The following TBC1D32 variants were observed in gnomAD, a reference collection of about 807,000 sequenced individuals.
TBC1D32 encodes TBC1 domain family member 32.
A neutral mutation model predicts 170.3 loss-of-function variants in TBC1D32; 151 were observed. The observed-to-expected ratio is 0.89, with a 90% CI of 0.78 to 1.01. The LOEUF (loss-of-function observed/expected upper bound fraction) is 1.01, where lower values mean the gene tolerates loss of function less well. Among genes scored for constraint, TBC1D32 ranks in the 50% least tolerant of loss-of-function variants. TBC1D32 has a pLI of 0.00. For synonymous variants in TBC1D32, 498 were observed against 488.0 expected (o/e 1.02, Z -0.27); for missense variants, 1,464 against 1,457.1 (o/e 1.00, Z -0.08).
At chr6:121,190,078 ACACACACACACACAC>A (rs1789757085) in intron 22 of TBC1D32, among the ~76,000 whole-genome samples, 3 of 28,172 alleles carry the variant, frequency 1.1e-4, no homozygotes, top group East Asian at 3.7e-3. Context: ...ATACAGACAC[ACACACACACACACAC>A]ACACACACAC....
intron 1 of TBC1D32, among the ~76,000 whole-genome samples, chr6:121,328,252 T>C (rs1810705025): frequency 6.6e-6 from 1 of 151,242 alleles, no homozygotes; most frequent in Non-Finnish European, 1.5e-5. Flanking sequence ...TAAATTTTTC[T>C]AACTGGTTTT....
chr6:121,301,775 A>G lies in TBC1D32; in HGVS notation c.1080+1842T>C, dbSNP rs988647251. 5.9e-5 allele frequency among the ~76,000 whole-genome samples: 9 copies of G among 152,024 alleles called. No individual in the cohort carries two copies. The East Asian group carries it at 1.7e-3, about 29-fold the overall frequency. On this transcript the variant is annotated intron_variant, in intron 9 of 31. Transcript: ENST00000398212. Reference sequence around the variant, plus strand: ...ATTCTAGGGAATAGAGGATTTTTGTATTGTTTTTCTTTTTTTTCCTTTTTT... The same window carrying G: ...ATTCTAGGGAATAGAGGATTTTTGTGTTGTTTTTCTTTTTTTTCCTTTTTT...
chr6:121,238,180 T>A (rs899225429), intron 20 of TBC1D32, among the ~76,000 whole-genome samples: 6 of 152,078 alleles, frequency 3.9e-5, no homozygotes, highest in Non-Finnish European at 8.8e-5. Context: ...TGCTGTGTAG[T>A]CCTAAGCTTT....
At chr6:121,208,453 G>C (rs1451218384) in intron 21 of TBC1D32, among the ~76,000 whole-genome samples, 1 of 151,876 alleles carries the variant, frequency 6.6e-6, no homozygotes, top group Non-Finnish European at 1.5e-5. Flanking sequence ...GCTATCATGA[G>C]AACAGCATGG....
At chr6:121,304,900 T>G in intron 5 of TBC1D32, 67 bp from the exon 6 acceptor site, 1 of 1,037,724 alleles carries the variant, frequency 9.6e-7, no homozygotes, top group Non-Finnish European at 1.5e-6. Flanking sequence ...TGAAACATTT[T>G]TCACACAGTA....
chr6:121,227,291 T>C (rs1795195599), intron 20 of TBC1D32, among the ~76,000 whole-genome samples: 2 of 152,178 alleles, frequency 1.3e-5, no homozygotes, highest in African/African-American at 2.4e-5. Flanking sequence ...TTACTTGTTT[T>C]TGGATGAGAG....
intron 17 of TBC1D32, among the ~76,000 whole-genome samples, chr6:121,249,038 C>T (rs956672898): frequency 2.0e-5 from 3 of 151,426 alleles, no homozygotes; most frequent in African/African-American, 7.3e-5. Flanking sequence ...AACACAGATG[C>T]AAAAAAATCC....
intron 22 of TBC1D32, among the ~76,000 whole-genome samples, chr6:121,183,633 C>T (rs1262719654): frequency 6.6e-6 from 1 of 152,038 alleles, no homozygotes; most frequent in African/African-American, 2.4e-5. Flanking sequence ...TTCACAGAAA[C>T]CTATCATCAT....
intron 21 of TBC1D32, among the ~76,000 whole-genome samples, chr6:121,216,896 GT>G (rs1195810044): frequency 6.6e-6 from 1 of 152,158 alleles, no homozygotes; most frequent in African/African-American, 2.4e-5. Context: ...GACTGCTAAG[GT>G]GAGGGCTATT....
intron 17 of TBC1D32, among the ~76,000 whole-genome samples, chr6:121,254,052 A>G (rs72961382): frequency 0.012 from 1,810 of 151,530 alleles, 14 homozygotes; most frequent in Non-Finnish European, 0.018. Flanking sequence ...AATACTACTC[A>G]GTCATAAAAA....
rs578192400 is a variant in TBC1D32, at chr6:121,198,669, T to C, written c.2570+6406A>G. On this transcript the variant is annotated intron_variant, in intron 22 of 31. Transcript: ENST00000398212. ...GGGAGGCTGAGGCAGGAGAATGGCATGAACCCGGGAGGCGGAGCTTGCAGT... is the reference window on the plus strand; with the variant it reads ...GGGAGGCTGAGGCAGGAGAATGGCACGAACCCGGGAGGCGGAGCTTGCAGT... 4.0e-5 allele frequency among the ~76,000 whole-genome samples: 6 copies of C among 151,060 alleles called. No homozygotes were observed. The South Asian group carries it at 1.2e-3, about 31-fold the overall frequency.
intron 1 of TBC1D32, 62 bp from the exon 2 acceptor site, chr6:121,321,856 T>A (rs1274739098): frequency 7.3e-6 from 10 of 1,377,244 alleles, no homozygotes; most frequent in Non-Finnish European, 9.8e-6. Flanking sequence ...GAAAAAAAAA[T>A]CAACACAGAA....
intron 30 of TBC1D32, among the ~76,000 whole-genome samples, chr6:121,092,555 A>T (rs534961040): frequency 6.6e-6 from 1 of 152,124 alleles, no homozygotes; most frequent in East Asian, 1.9e-4. Context: ...AGTTTGCTAG[A>T]ACCACAGGCA....
Position 121,080,499 on chromosome 6 carries a change from C to A in TBC1D32, c.*272G>T. ...AAAGTGCTGGGATTACAGGCATGAG[C>A]CACCGCGCCTGGCCAGGACTAACTC... On this transcript the variant is annotated 3_prime_UTR_variant, in exon 32 of 32. Transcript: ENST00000398212. 1 of 283,306 alleles carries A rather than the reference C, an allele frequency of 3.5e-6. No individual in the cohort carries two copies. Among genetic ancestry groups the A allele is most frequent in the Non-Finnish European group, 6.7e-6 (1 of 150,048 alleles). 17.5% of individuals were successfully genotyped at this position (283,306 alleles called of 1,614,324 possible). A position where few individuals can be genotyped will look rare whatever the true frequency, so the allele number is the denominator to read the frequency against.
chr6:121,191,873 A>C (rs1165958213), intron 22 of TBC1D32, among the ~76,000 whole-genome samples: 1 of 151,778 alleles, frequency 6.6e-6, no homozygotes, highest in African/African-American at 2.4e-5. Context: ...AGGCAGAAAA[A>C]CGTGAAAAGG....
In TBC1D32 at chr6:121,102,382, A is replaced by G. The variant is rs1047740665; in HGVS notation, c.3465+3641T>C. On this transcript the variant is annotated intron_variant, in intron 30 of 31. Coordinates refer to ENST00000398212, the MANE Select transcript of TBC1D32 (RefSeq NM_152730.6). Reference sequence around the variant, plus strand: ...ACCAAAACAGCATGGTACTGGTACCAAAACAGAGACACAGACCAATGGAAC... The same window carrying G: ...ACCAAAACAGCATGGTACTGGTACCGAAACAGAGACACAGACCAATGGAAC... Among the ~76,000 whole-genome samples the G allele has an allele frequency of 3.9e-5, 6 of 152,314 alleles. No individual in the cohort carries two copies. In the East Asian group the frequency reaches 7.7e-4, roughly 20 times the overall value.
intron 21 of TBC1D32, among the ~76,000 whole-genome samples, chr6:121,205,951 C>T (rs530730716): frequency 3.3e-5 from 5 of 152,228 alleles, no homozygotes; most frequent in Admixed American, 1.3e-4. Flanking sequence ...GTCGCTCATG[C>T]CTGTAATCCC....
intron 22 of TBC1D32, among the ~76,000 whole-genome samples, chr6:121,171,796 G>A (rs964462714): frequency 4.6e-5 from 7 of 152,068 alleles, no homozygotes; most frequent in African/African-American, 1.7e-4. Context: ...TATAAAAAGT[G>A]TTCAAACAAA....
chr6:121,216,664 T>A lies in TBC1D32; in HGVS notation c.2481+6572A>T, dbSNP rs1267157732. Among the ~76,000 whole-genome samples the A allele has an allele frequency of 2.6e-5, 4 of 152,174 alleles. No homozygotes were observed. The East Asian group carries it at 5.8e-4, about 22-fold the overall frequency. On this transcript the variant is annotated intron_variant, in intron 21 of 31. Coordinates refer to ENST00000398212, the MANE Select transcript of TBC1D32 (RefSeq NM_152730.6). The stretch of plus-strand genomic sequence containing the variant: ...ATTTAGTGACTCTATATGTAATACA[T>A]TTGACCATATGTGGAAAACCAAGGA...
Sources: allele counts gnomAD v4.1 joint callset (sites outside exome capture counted in the v4.1 genomes callset), GRCh38; gene constraint gnomAD v4.1.1; transcripts MANE v1.5; gene names NCBI Gene and HGNC (gene_info 2026-07-23, HGNC 2026-07-21).